The following NEURL1B variants were observed in gnomAD, a reference collection of about 807,000 sequenced individuals.
The protein encoded by NEURL1B is neuralized E3 ubiquitin protein ligase 1B, also known as E3 ubiquitin-protein ligase NEURL1B.
NEURL1B carries 13 observed loss-of-function variants against 37.4 expected under a neutral mutation model. The ratio of observed to expected loss-of-function variants is 0.35; its 90% CI spans 0.23 to 0.55. The LOEUF (loss-of-function observed/expected upper bound fraction) is 0.55, where lower values mean the gene tolerates loss of function less well. NEURL1B is among the 20% of genes least tolerant of loss of function. NEURL1B has a pLI of 0.89. For missense variants in NEURL1B, 790 were observed against 879.2 expected, an observed-to-expected ratio of 0.90 and a Z score of 1.28; for synonymous variants, 432 against 426.6, an observed-to-expected ratio of 1.01 and a Z score of -0.16.
chr5:172,655,727 GTT>G (rs74431507), intron 1 of NEURL1B, among the ~76,000 whole-genome samples: 2 of 137,536 alleles, frequency 1.5e-5, no homozygotes, highest in Admixed American at 7.3e-5. Context: ...GCCAGTGTTT[GTT>G]TTTTTTTTTT....
In NEURL1B at chr5:172,670,186, GC is replaced by G. The variant is rs1340883607; in HGVS notation, c.435del (p.Tyr146ThrfsTer13). 1 of 1,471,860 alleles carries G rather than the reference GC, an allele frequency of 6.8e-7. No individual in the cohort carries two copies. Among genetic ancestry groups the G allele is most frequent in the Non-Finnish European group, 9.0e-7 (1 of 1,115,492 alleles). 91.2% of individuals were successfully genotyped at this position (1,471,860 alleles called of 1,614,324 possible). On this transcript the variant is annotated frameshift_variant, in exon 2 of 5. Coordinates refer to ENST00000369800, the MANE Select transcript of NEURL1B (RefSeq NM_001142651.3). LOFTEE classifies it high-confidence loss of function. Reference sequence around the variant, plus strand: ...CCTGGCGCTGCGCGACACGGTGCTGGCCTACTGGGCCGACCGCCACGGCCGC... The same window carrying G: ...CCTGGCGCTGCGCGACACGGTGCTGGCTACTGGGCCGACCGCCACGGCCGC... ...ENLALRDTVL[A>X]YWADRHGRVF...
intron 2 of NEURL1B, among the ~76,000 whole-genome samples, chr5:172,682,927 GTAAAT>G (rs1375193121): frequency 6.6e-6 from 1 of 152,226 alleles, no homozygotes; most frequent in Non-Finnish European, 1.5e-5. Context: ...GAGTGGTTGT[GTAAAT>G]TAAATGAGGT....
Position 172,686,943 on chromosome 5 carries a change from C to T in NEURL1B, c.*18C>T. 1 of 1,534,772 alleles carries T rather than the reference C, an allele frequency of 6.5e-7. No homozygotes were observed. Among genetic ancestry groups the T allele is most frequent in the Non-Finnish European group, 8.8e-7 (1 of 1,134,042 alleles). On this transcript the variant is annotated 3_prime_UTR_variant, in exon 5 of 5. Transcript: ENST00000369800. This position sits in a 1 kb window ranked among gnomAD's most constrained non-coding sequence, Gnocchi z 7.9. Reference sequence around the variant, plus strand: ...GGCCATAGCCTAGCCTGCCCACGGGCCTTGGCCGGTGCAAGGTCACCTTTC... The same window carrying T: ...GGCCATAGCCTAGCCTGCCCACGGGTCTTGGCCGGTGCAAGGTCACCTTTC...
intron 1 of NEURL1B, among the ~76,000 whole-genome samples, chr5:172,648,984 A>C (rs1490330435): frequency 2.0e-5 from 3 of 152,244 alleles, no homozygotes; most frequent in African/African-American, 7.2e-5. Context: ...ACTCTCCAGC[A>C]GCATAGTCTG....
chr5:172,641,401 G>T lies in NEURL1B; in HGVS notation c.-6G>T. ...CGCCGCCGCCAACGCCGCGCCCGAC[G>T]CAGCGATGGGCAACACGGTGCACCG... On this transcript the variant is annotated 5_prime_UTR_variant, in exon 1 of 5. Transcript: ENST00000369800. The surrounding 1 kb of genome is among the most constrained non-coding windows in gnomAD (Gnocchi z 6.4). The T allele has an allele frequency of 7.3e-7, 1 of 1,370,660 alleles. No homozygotes were observed. Among genetic ancestry groups the T allele is most frequent in the African/African-American group, 1.5e-5 (1 of 65,882 alleles). 84.9% of individuals were successfully genotyped at this position (1,370,660 alleles called of 1,614,324 possible). A position where few individuals can be genotyped will look rare whatever the true frequency, so the allele number is the denominator to read the frequency against.
At position 172,687,016 on chromosome 5, in the gene NEURL1B, G is replaced by A. The variant is rs776687564; in HGVS notation, c.*91G>A. 1.9e-5 allele frequency: 26 copies of A among 1,400,326 alleles called. No individual in the cohort carries two copies. The highest frequency in any genetic ancestry group is 2.3e-4 in the Middle Eastern group (1 of 4,358). 86.7% of individuals were successfully genotyped at this position (1,400,326 alleles called of 1,614,324 possible). On this transcript the variant is annotated 3_prime_UTR_variant, in exon 5 of 5. Coordinates refer to ENST00000369800, the MANE Select transcript of NEURL1B (RefSeq NM_001142651.3). ...ACCACATGGCTGCCAGGGAGTCCAC[G>A]GGCAGCGGCCATCTCTCCAGTGGTG...
intron 1 of NEURL1B, among the ~76,000 whole-genome samples, chr5:172,650,512 G>A (rs138523176): frequency 9.8e-5 from 15 of 152,294 alleles, no homozygotes; most frequent in South Asian, 2.1e-4. Flanking sequence ...GAAAGGTGGC[G>A]GAAAGAGGGT....
Position 172,686,379 on chromosome 5 carries a change from T to G in NEURL1B, c.1423+83T>G. The G allele has an allele frequency of 7.0e-7, 1 of 1,424,154 alleles. No individual in the cohort carries two copies. The highest frequency in any genetic ancestry group is 2.1e-5 in the Admixed American group (1 of 47,634). 88.2% of individuals were successfully genotyped at this position (1,424,154 alleles called of 1,614,324 possible). On this transcript the variant is annotated intron_variant, in intron 4 of 4. Transcript: ENST00000369800. This position sits in a 1 kb window ranked among gnomAD's most constrained non-coding sequence, Gnocchi z 7.9. ...GCTGTGCCAGTGGCCTTCCAGGGACTGAGCAGGGTGGCCGCCTTTCCCCCG... is the reference window on the plus strand; with the variant it reads ...GCTGTGCCAGTGGCCTTCCAGGGACGGAGCAGGGTGGCCGCCTTTCCCCCG...
chr5:172,669,544 CCA>C (rs34669588), intron 1 of NEURL1B, among the ~76,000 whole-genome samples: 46,336 of 151,700 alleles, frequency 0.31, 9,976 homozygotes, highest in African/African-American at 0.62. Flanking sequence ...TAGTGCTTCA[CCA>C]CACACACTAA....
chr5:172,684,257 A>G lies in NEURL1B; in HGVS notation c.1297+119A>G, dbSNP rs1403579687. 4.4e-6 allele frequency: 4 copies of G among 906,184 alleles called. No homozygotes were observed. The Admixed American group carries it at 1.6e-4, about 36-fold the overall frequency. 56.1% of individuals were successfully genotyped at this position (906,184 alleles called of 1,614,324 possible). A position where few individuals can be genotyped will look rare whatever the true frequency, so the allele number is the denominator to read the frequency against. On this transcript the variant is annotated intron_variant, in intron 3 of 4. Coordinates refer to ENST00000369800, the MANE Select transcript of NEURL1B (RefSeq NM_001142651.3). ...GCTAGGCGCTGCACCGCCCGAGGCCAGCCCGCGGTTCCCAACTTTAAGCGC... is the reference window on the plus strand; with the variant it reads ...GCTAGGCGCTGCACCGCCCGAGGCCGGCCCGCGGTTCCCAACTTTAAGCGC...
intron 3 of NEURL1B, 118 bp downstream of exon 3, chr5:172,684,256 C>T: frequency 1.1e-6 from 1 of 935,152 alleles, no homozygotes; most frequent in Non-Finnish European, 1.4e-6. Flanking sequence ...CGCCCGAGGC[C>T]AGCCCGCGGT....
Position 172,686,215 on chromosome 5 carries a change from C to G in NEURL1B, c.1342C>G (p.Leu448Val). The G allele has an allele frequency of 6.4e-7, 1 of 1,551,690 alleles. No individual in the cohort carries two copies. The highest frequency in any genetic ancestry group is 8.7e-7 in the Non-Finnish European group (1 of 1,146,970). The change falls in exon 4 of 5, where the codon CTC becomes GTC. Residue 448 changes from leucine (L) to valine (V), a missense_variant. Physicochemically the swap from Leu to Val is conservative, Grantham distance 32 (BLOSUM62 1). This residue lies in a region of NEURL1B where 115 missense variants were observed against 162.6 expected (regional missense o/e 0.71). Transcript: ENST00000369800. This position sits in a 1 kb window ranked among gnomAD's most constrained non-coding sequence, Gnocchi z 7.9. ...SPATTTPSGS[L>V]SGSQDDSDSD... The stretch of plus-strand genomic sequence containing the variant: ...TGCGACCACGACTCCATCAGGGTCC[C>G]TCAGCGGCTCCCAGGACGATAGTGA...
At chr5:172,672,543 C>CCCA (rs1554098447) in intron 2 of NEURL1B, among the ~76,000 whole-genome samples, 4 of 144,214 alleles carry the variant, frequency 2.8e-5, no homozygotes, top group African/African-American at 1.0e-4. Context: ...TGAACTCTCC[C>CCCA]CCCCCCACTC....
Position 172,661,440 on chromosome 5 carries a change from A to C in NEURL1B, c.32-8345A>C, listed in dbSNP as rs1294311128. Among the ~76,000 whole-genome samples the C allele has an allele frequency of 6.6e-6, 1 of 152,224 alleles. No homozygotes were observed. The highest frequency in any genetic ancestry group is 2.4e-5 in the African/African-American group (1 of 41,458). ...CCAAAAGTTATGGCAGCTGCCTTGA[A>C]GAAGGGGTGGGGTGGAAGAAAGGGC... On this transcript the variant is annotated intron_variant, in intron 1 of 4. Coordinates refer to ENST00000369800, the MANE Select transcript of NEURL1B (RefSeq NM_001142651.3). The surrounding 1 kb of genome is among the most constrained non-coding windows in gnomAD (Gnocchi z 4.0).
In NEURL1B at chr5:172,688,277, A is replaced by G. The variant is rs565499877; in HGVS notation, c.*1352A>G. On this transcript the variant is annotated 3_prime_UTR_variant, in exon 5 of 5. Transcript: ENST00000369800. This position sits in a 1 kb window ranked among gnomAD's most constrained non-coding sequence, Gnocchi z 4.3. ...ATTAGGGAAGTCCCTTGGCCTGTCTATTTTTCAGTTCCCAATTAGAAGTCT... is the reference window on the plus strand; with the variant it reads ...ATTAGGGAAGTCCCTTGGCCTGTCTGTTTTTCAGTTCCCAATTAGAAGTCT... 11 of 152,582 alleles carry G rather than the reference A, an allele frequency of 7.2e-5. No homozygotes were observed. Among genetic ancestry groups the G allele is most frequent in the East Asian group, 1.9e-4 (1 of 5,174 alleles). The allele number at this position is 152,582 out of a possible 1,614,324, so 9.5% of individuals were successfully genotyped here.
intron 1 of NEURL1B, chr5:172,656,836 T>G (rs1326423574): frequency 1.3e-5 from 8 of 614,150 alleles, no homozygotes; most frequent in Non-Finnish European, 2.3e-5. Context: ...TGTCCTCATC[T>G]TTAGGATGGG....
intron 1 of NEURL1B, among the ~76,000 whole-genome samples, chr5:172,642,712 C>G (rs117112108): frequency 7.2e-5 from 11 of 152,216 alleles, no homozygotes; most frequent in African/African-American, 2.7e-4. Flanking sequence ...AGCAACTGCA[C>G]TCAAACGTTC....
chr5:172,669,739 A>T, intron 1 of NEURL1B, 46 bp from the exon 2 acceptor site: 1 of 1,211,296 alleles, frequency 8.3e-7, no homozygotes, highest in Non-Finnish European at 1.0e-6. Flanking sequence ...CGGGGCCCGC[A>T]GGAGTTCGGA....
At chr5:172,672,549 C>CCCT (rs1554098436) in intron 2 of NEURL1B, among the ~76,000 whole-genome samples, 1 of 148,022 alleles carries the variant, frequency 6.8e-6, no homozygotes, top group Non-Finnish European at 1.5e-5. Context: ...CTCCCCCCCC[C>CCCT]ACTCTATTTC....
Sources: gnomAD v4.1 joint callset for allele counts (sites outside exome capture counted in the v4.1 genomes callset) on GRCh38, gnomAD v4.1.1 for gene constraint, gnomAD v4.1.1 regional missense constraint, Gnocchi (gnomAD v3.1) non-coding constraint, MANE v1.5 for transcripts, NCBI Gene and HGNC (gene_info 2026-07-23, HGNC 2026-07-21) for gene names.